CLSTN2: variants seen among roughly 807,000 people sequenced by gnomAD.
CLSTN2 encodes the protein calsyntenin-2.
A neutral mutation model predicts 101.2 loss-of-function variants in CLSTN2; 48 were observed. That is an observed-to-expected ratio of 0.47 (90% CI 0.38 to 0.60). The LOEUF is 0.60. Among genes scored for constraint, CLSTN2 ranks in the 20% least tolerant of loss-of-function variants. The pLI is 0.00. For missense variants in CLSTN2, 1,160 were observed against 1,238.2 expected (o/e 0.94, Z 0.95); for synonymous variants, 481 against 463.6 (o/e 1.04, Z -0.48).
chr3:140,278,871 C>A (rs1176461066), intron 2 of CLSTN2, among the ~76,000 whole-genome samples: 1 of 152,130 alleles, frequency 6.6e-6, no homozygotes, highest in Non-Finnish European at 1.5e-5. Flanking sequence ...AAGTGCCTGC[C>A]ACTATGCCTG....
chr3:140,260,307 A>G (rs1302025543), intron 2 of CLSTN2, among the ~76,000 whole-genome samples: 2 of 151,966 alleles, frequency 1.3e-5, no homozygotes, highest in Admixed American at 6.6e-5. Context: ...CTTAGGAACT[A>G]TCACTGTGTC....
intron 1 of CLSTN2, among the ~76,000 whole-genome samples, chr3:139,964,751 A>G (rs1189670111): frequency 1.3e-5 from 2 of 152,084 alleles, no homozygotes; most frequent in African/African-American, 4.8e-5. Context: ...ACCTGAAACC[A>G]TTTTTGCAAT....
At position 140,570,371 on chromosome 3, in the gene CLSTN2, T is replaced by C. The variant is rs1219767154; in HGVS notation, c.*4118T>C. The C allele has an allele frequency of 1.3e-5, 2 of 152,224 alleles. No homozygotes were observed. Among genetic ancestry groups the C allele is most frequent in the Non-Finnish European group, 2.9e-5 (2 of 68,034 alleles). The allele number at this position is 152,224 out of a possible 1,614,324, so 9.4% of individuals were successfully genotyped here. On this transcript the variant is annotated 3_prime_UTR_variant, in exon 17 of 17. Coordinates refer to ENST00000458420, the MANE Select transcript of CLSTN2 (RefSeq NM_022131.3). ...ACAGTTTAACAGGATTTACATAGCA[T>C]TTACACTGTATTAGGTATTATAAGT...
chr3:140,269,615 A>C (rs1273515900), intron 2 of CLSTN2, among the ~76,000 whole-genome samples: 1 of 151,856 alleles, frequency 6.6e-6, no homozygotes, highest in East Asian at 1.9e-4. Flanking sequence ...TCTGGAAAGA[A>C]AAGCTTTCGA....
At position 140,558,785 on chromosome 3, in the gene CLSTN2, A is replaced by G; in HGVS notation, c.1969A>G (p.Thr657Ala). Residue 657 changes from threonine (T) to alanine (A), a missense_variant, in exon 12 of 17, where the codon ACC becomes GCC. Thr to Ala is a moderately conservative substitution (Grantham distance 58). Transcript: ENST00000458420. ...CCAGTTTGAAAGTGCCAGGGGAGTG[A>G]CCCTCTTCCCTGATATCAAGATTGT... The part of the protein sequence containing the change: ...AAQFESARGV[T>A]LFPDIKIVST... The G allele has an allele frequency of 1.2e-6, 2 of 1,613,910 alleles. No homozygotes were observed. The highest frequency in any genetic ancestry group is 1.7e-6 in the Non-Finnish European group (2 of 1,179,968).
At chr3:140,225,456 T>C (rs1056494622) in intron 2 of CLSTN2, among the ~76,000 whole-genome samples, 2 of 151,880 alleles carry the variant, frequency 1.3e-5, no homozygotes, top group Non-Finnish European at 2.9e-5. Context: ...GTTCAAATAT[T>C]TTATGCAAGA....
At chr3:140,101,942 G>A (rs1042533501) in intron 1 of CLSTN2, among the ~76,000 whole-genome samples, 2 of 152,178 alleles carry the variant, frequency 1.3e-5, no homozygotes, top group African/African-American at 4.8e-5. Context: ...GAGAGTACAG[G>A]GATGTTTGGG....
intron 2 of CLSTN2, among the ~76,000 whole-genome samples, chr3:140,375,234 C>G (rs1331169120): frequency 6.6e-6 from 1 of 152,110 alleles, no homozygotes; most frequent in African/African-American, 2.4e-5. Flanking sequence ...CATTCTGGTA[C>G]ATTGAAGAAA....
At chr3:140,494,655 C>T (rs921099636) in intron 8 of CLSTN2, among the ~76,000 whole-genome samples, 1 of 152,126 alleles carries the variant, frequency 6.6e-6, no homozygotes, top group African/African-American at 2.4e-5. Context: ...TGTTGTGCCC[C>T]CTAATGTGTT....
In CLSTN2 at chr3:140,219,352, C is replaced by T. The variant is rs555813502; in HGVS notation, c.232+43279C>T. On this transcript the variant is annotated intron_variant, in intron 2 of 16. Transcript: ENST00000458420. Reference sequence around the variant, plus strand: ...CAGGCAGGGAACCTCTGGGCTCACACATTAGTTGCGCGTGAGTGAGTTTTA... The same window carrying T: ...CAGGCAGGGAACCTCTGGGCTCACATATTAGTTGCGCGTGAGTGAGTTTTA... Among the ~76,000 whole-genome samples, 11 of 152,090 alleles carry T rather than the reference C, an allele frequency of 7.2e-5. No individual in the cohort carries two copies. The South Asian group carries it at 2.3e-3, about 32-fold the overall frequency.
At chr3:139,979,074 G>A (rs773231915) in intron 1 of CLSTN2, among the ~76,000 whole-genome samples, 8 of 152,216 alleles carry the variant, frequency 5.3e-5, no homozygotes, top group Non-Finnish European at 7.4e-5. Flanking sequence ...CAGAATGTGC[G>A]CCCCGCTTTG....
intron 1 of CLSTN2, among the ~76,000 whole-genome samples, chr3:140,168,367 A>C (rs1409206469): frequency 6.6e-6 from 1 of 152,098 alleles, no homozygotes; most frequent in African/African-American, 2.4e-5. Context: ...TTGAAAATCA[A>C]ATTGTCTTAT....
At chr3:140,474,226 G>T (rs2107747886) in intron 8 of CLSTN2, among the ~76,000 whole-genome samples, 1 of 152,294 alleles carries the variant, frequency 6.6e-6, no homozygotes, top group Non-Finnish European at 1.5e-5. Flanking sequence ...TTGCTGAGGT[G>T]ACCCTGGGCC....
chr3:140,360,228 G>T (rs1286576671), intron 2 of CLSTN2, among the ~76,000 whole-genome samples: 2 of 151,850 alleles, frequency 1.3e-5, no homozygotes, highest in Admixed American at 6.6e-5. Context: ...TATTTTTCAG[G>T]CTCTCCCATG....
At chr3:139,948,867 T>C (rs2107809443) in intron 1 of CLSTN2, among the ~76,000 whole-genome samples, 1 of 152,310 alleles carries the variant, frequency 6.6e-6, no homozygotes, top group South Asian at 2.1e-4. Flanking sequence ...TACCTGTTCC[T>C]GGGCTAGAAA....
chr3:140,286,563 C>G (rs2086897526), intron 2 of CLSTN2, among the ~76,000 whole-genome samples: 1 of 152,188 alleles, frequency 6.6e-6, no homozygotes, highest in Non-Finnish European at 1.5e-5. Flanking sequence ...TATTCAGTGT[C>G]TACCATAGAT....
At chr3:140,309,309 T>C (rs1370952748) in intron 2 of CLSTN2, among the ~76,000 whole-genome samples, 1 of 151,902 alleles carries the variant, frequency 6.6e-6, no homozygotes, top group Non-Finnish European at 1.5e-5. Context: ...GGACCAGAGG[T>C]GGCAAGATGC....
At chr3:139,980,627 C>A (rs1935898051) in intron 1 of CLSTN2, among the ~76,000 whole-genome samples, 1 of 152,088 alleles carries the variant, frequency 6.6e-6, no homozygotes, top group Non-Finnish European at 1.5e-5. Flanking sequence ...CTTACCGATT[C>A]TACACTATAT....
chr3:140,457,598 C>A (rs1451356825), intron 6 of CLSTN2, among the ~76,000 whole-genome samples: 1 of 152,178 alleles, frequency 6.6e-6, no homozygotes, highest in African/African-American at 2.4e-5. Context: ...TAGTTTATCA[C>A]ATAAGTAACA....
Sources: allele counts gnomAD v4.1 joint callset (sites outside exome capture counted in the v4.1 genomes callset), GRCh38; gene constraint gnomAD v4.1.1; transcripts MANE v1.5; gene names NCBI Gene and HGNC (gene_info 2026-07-23, HGNC 2026-07-21).